Variants in LNPK observed in about 807,000 individuals in gnomAD.
LNPK encodes the protein endoplasmic reticulum junction formation protein lunapark.
LNPK carries 29 observed loss-of-function variants against 55.2 expected under a neutral mutation model. The observed-to-expected ratio is 0.53, with a 90% CI of 0.39 to 0.72. The LOEUF (loss-of-function observed/expected upper bound fraction) is 0.72, where lower values mean the gene tolerates loss of function less well. Among genes scored for constraint, LNPK ranks in the 30% least tolerant of loss-of-function variants. LNPK has a pLI of 0.00. For missense variants in LNPK, 467 were observed against 494.8 expected (o/e 0.94, Z 0.53); for synonymous variants, 162 against 168.2 (o/e 0.96, Z 0.29).
Position 175,938,391 on chromosome 2 carries a change from G to A in LNPK, c.813-8C>T, listed in dbSNP as rs201252616. 3.5e-4 allele frequency: 547 copies of A among 1,547,008 alleles called. No individual in the cohort carries two copies. The highest frequency in any genetic ancestry group is 4.3e-4 in the Non-Finnish European group (490 of 1,133,298). ...TGACATATAAGTGCATACCTACACCGTAAGGAAAAATGAACAGACCAGTTA... is the reference window on the plus strand; with the variant it reads ...TGACATATAAGTGCATACCTACACCATAAGGAAAAATGAACAGACCAGTTA... On this transcript the variant is annotated splice_region_variant and splice_polypyrimidine_tract_variant and intron_variant, in intron 10 of 12. Transcript: ENST00000272748.
intron 8 of LNPK, among the ~76,000 whole-genome samples, chr2:175,954,877 G>A (rs1685617100): frequency 6.6e-6 from 1 of 152,108 alleles, no homozygotes; most frequent in Non-Finnish European, 1.5e-5. Context: ...TGCATATAGA[G>A]GTAGCAAGCT....
At chr2:175,972,815 T>C (rs1686722764) in intron 5 of LNPK, among the ~76,000 whole-genome samples, 1 of 152,242 alleles carries the variant, frequency 6.6e-6, no homozygotes, top group Non-Finnish European at 1.5e-5. Context: ...GATTCTTCTC[T>C]TGGCATTTGC....
chr2:175,928,718 A>T lies in LNPK; in HGVS notation c.*1249T>A, dbSNP rs1684130878. On this transcript the variant is annotated 3_prime_UTR_variant, in exon 13 of 13. Transcript: ENST00000272748. ...TTTTTAATATTGGAGAAGAGAGATA[A>T]AAGGAGGCCGTAACAGATAAGCACA... is the stretch of plus-strand genomic sequence containing the variant. 1 of 152,070 alleles carries T rather than the reference A, an allele frequency of 6.6e-6. No individual in the cohort carries two copies. Among genetic ancestry groups the T allele is most frequent in the Admixed American group, 6.5e-5 (1 of 15,268 alleles). 9.4% of individuals were successfully genotyped at this position (152,070 alleles called of 1,614,324 possible).
intron 9 of LNPK, among the ~76,000 whole-genome samples, chr2:175,941,983 A>G (rs1684873137): frequency 6.6e-6 from 1 of 152,076 alleles, no homozygotes; most frequent in Admixed American, 6.6e-5. Flanking sequence ...CAAAAATGTT[A>G]TATCCAGTAT....
At chr2:175,955,570 T>C (rs919675960) in intron 8 of LNPK, among the ~76,000 whole-genome samples, 29 of 152,224 alleles carry the variant, frequency 1.9e-4, no homozygotes, top group African/African-American at 6.8e-4. Context: ...GATACTTATG[T>C]AAAGAACATC....
chr2:175,981,652 G>A (rs1055859396), intron 4 of LNPK, among the ~76,000 whole-genome samples: 10 of 152,170 alleles, frequency 6.6e-5, no homozygotes, highest in African/African-American at 2.4e-4. Context: ...AGAAAGTCAG[G>A]GGAATTGCAA....
At chr2:175,999,276 T>G (rs577869202) in intron 1 of LNPK, among the ~76,000 whole-genome samples, 7 of 152,214 alleles carry the variant, frequency 4.6e-5, no homozygotes, top group Non-Finnish European at 4.4e-5. Flanking sequence ...CCACTGGTGC[T>G]CTCCTTTCCA....
intron 7 of LNPK, 25 bp downstream of exon 7, chr2:175,964,481 A>T: frequency 6.3e-7 from 1 of 1,586,310 alleles, no homozygotes; most frequent in Non-Finnish European, 8.7e-7. Flanking sequence ...TTTATAATAA[A>T]ATAGTAGTGA....
At chr2:175,988,126 TAA>T (rs772986068) in intron 4 of LNPK, among the ~76,000 whole-genome samples, 4 of 152,184 alleles carry the variant, frequency 2.6e-5, no homozygotes, top group Admixed American at 6.5e-5. Context: ...CTGCCAAACT[TAA>T]GTGTTCTTTT....
At chr2:176,002,457 G>A (rs908945301), upstream of LNPK, 2 of 310,754 alleles carry the variant, frequency 6.4e-6, no homozygotes, top group Non-Finnish European at 1.3e-5. Context: ...TCGGTGTCGT[G>A]TCGCAGTTAT....
At chr2:175,964,980 G>A (rs922734180) in intron 6 of LNPK, among the ~76,000 whole-genome samples, 2 of 152,110 alleles carry the variant, frequency 1.3e-5, no homozygotes, top group Non-Finnish European at 2.9e-5. Flanking sequence ...TTTAAAGAAG[G>A]TCGTTAGCCA....
At chr2:175,965,902 C>G (rs1257502676) in intron 6 of LNPK, among the ~76,000 whole-genome samples, 1 of 150,754 alleles carries the variant, frequency 6.6e-6, no homozygotes, top group Non-Finnish European at 1.5e-5. Flanking sequence ...AATCCCTGAT[C>G]TCTACACATT....
At chr2:175,963,731 A>G (rs1298562975) in intron 8 of LNPK, among the ~76,000 whole-genome samples, 1 of 151,822 alleles carries the variant, frequency 6.6e-6, no homozygotes, top group Non-Finnish European at 1.5e-5. Flanking sequence ...AAAAAAAAAG[A>G]AAAGAACAAA....
chr2:175,991,223 T>C (rs1282604088), intron 4 of LNPK, among the ~76,000 whole-genome samples: 1 of 152,184 alleles, frequency 6.6e-6, no homozygotes, highest in African/African-American at 2.4e-5. Context: ...AAACATCTCA[T>C]ACTTATTTTG....
rs558632397 is a variant in LNPK at position 175,927,851 on chromosome 2, G to A, written c.*2116C>T. On this transcript the variant is annotated 3_prime_UTR_variant, in exon 13 of 13. Transcript: ENST00000272748. ...TATGGTTACAAACATGTTACCTATC[G>A]CATTAATTTTACTAATCCCCTTTTA... 2.0e-5 allele frequency: 3 copies of A among 152,016 alleles called. No homozygotes were observed. Among genetic ancestry groups the A allele is most frequent in the Admixed American group, 6.6e-5 (1 of 15,250 alleles). The allele number at this position is 152,016 out of a possible 1,614,324, so 9.4% of individuals were successfully genotyped here. A position where few individuals can be genotyped will look rare whatever the true frequency, so the allele number is the denominator to read the frequency against.
At chr2:175,994,522 A>T (rs1217793757) in intron 2 of LNPK, among the ~76,000 whole-genome samples, 8 of 151,668 alleles carry the variant, frequency 5.3e-5, no homozygotes, top group Admixed American at 5.3e-4. Context: ...CATTTATATA[A>T]TTTTTTTTTC....
In LNPK at chr2:175,995,229, T is replaced by A. The variant is rs991795352; in HGVS notation, c.27+329A>T. Among the ~76,000 whole-genome samples, 6 of 152,126 alleles carry A rather than the reference T, an allele frequency of 3.9e-5. No homozygotes were observed. In the East Asian group the frequency reaches 1.2e-3, roughly 29 times the overall value. ...GCCACCACACCCGGCCTAGAATACT[T>A]ACTTTCAACTACCTTTCAAATAAGC... On this transcript the variant is annotated intron_variant, in intron 2 of 12. Coordinates refer to ENST00000272748, the MANE Select transcript of LNPK (RefSeq NM_030650.3).
At chr2:175,963,446 A>C (rs1180694629) in intron 8 of LNPK, among the ~76,000 whole-genome samples, 1 of 152,124 alleles carries the variant, frequency 6.6e-6, no homozygotes, top group Non-Finnish European at 1.5e-5. Flanking sequence ...TCAGTAAACT[A>C]TCACAAGAAC....
intron 9 of LNPK, among the ~76,000 whole-genome samples, chr2:175,945,613 T>C (rs1685087926): frequency 6.6e-6 from 1 of 151,770 alleles, no homozygotes. Context: ...AATCCAGACA[T>C]GGTCATCCCT....
Sources: allele counts gnomAD v4.1 joint callset (sites outside exome capture counted in the v4.1 genomes callset), GRCh38; gene constraint gnomAD v4.1.1; transcripts MANE v1.5; gene names NCBI Gene and HGNC (gene_info 2026-07-23, HGNC 2026-07-21).